PHACTR2: variants seen among roughly 807,000 people sequenced by gnomAD.
PHACTR2 encodes chromosome 6 open reading frame 56.
A neutral mutation model predicts 76.0 loss-of-function variants in PHACTR2; 30 were observed. The observed-to-expected ratio is 0.39, with a 90% CI of 0.30 to 0.54. The LOEUF (loss-of-function observed/expected upper bound fraction) is 0.54. Ranked by LOEUF, PHACTR2 falls within the 20% of genes least tolerant of loss-of-function variation. The pLI, the probability that PHACTR2 is intolerant of heterozygous loss-of-function variation, is 0.61. For synonymous variants in PHACTR2, 292 were observed against 292.5 expected (o/e 1.00, Z 0.02); for missense variants, 696 against 781.1 (o/e 0.89, Z 1.30).
chr6:143,622,407 T>C (rs923999029), intron 1 of PHACTR2, among the ~76,000 whole-genome samples: 2 of 152,190 alleles, frequency 1.3e-5, no homozygotes, highest in Non-Finnish European at 2.9e-5. Context: ...CTCGCGTACA[T>C]CTGGTCTCCC....
Position 143,794,533 on chromosome 6 carries a change from C to T in PHACTR2, c.1845+5623C>T, listed in dbSNP as rs1407084904. Among the ~76,000 whole-genome samples, 4 of 152,142 alleles carry T rather than the reference C, an allele frequency of 2.6e-5. No individual in the cohort carries two copies. Among genetic ancestry groups the T allele is most frequent in the Admixed American group, 6.5e-5 (1 of 15,268 alleles). ...ATGAGGCCAGGTGCAGTGGCTCATG[C>T]CTGTAATCCAAGTGCTTTGAGAGGG... On this transcript the variant is annotated intron_variant, in intron 11 of 12. Coordinates refer to ENST00000440869, the MANE Select transcript of PHACTR2 (RefSeq NM_001100164.2). The surrounding 1 kb of genome is among the most constrained non-coding windows in gnomAD (Gnocchi z 4.1).
intron 2 of PHACTR2, among the ~76,000 whole-genome samples, chr6:143,744,370 A>G (rs113400573): frequency 1.3e-5 from 2 of 152,202 alleles, no homozygotes; most frequent in South Asian, 2.1e-4. Context: ...TTCAAAGCCA[A>G]CAGCCTGCAA....
At chr6:143,584,908 A>C (rs1259640686) in intron 1 of PHACTR2, among the ~76,000 whole-genome samples, 5 of 150,082 alleles carry the variant, frequency 3.3e-5, no homozygotes, top group Non-Finnish European at 7.4e-5. Flanking sequence ...GAAGCAGGGG[A>C]GGGAGAGAAG....
rs1776216922 is a variant in PHACTR2, at chr6:143,624,378, A to C, written c.13+16056A>C. 1.3e-5 allele frequency among the ~76,000 whole-genome samples: 2 copies of C among 152,160 alleles called. No individual in the cohort carries two copies. The highest frequency in any genetic ancestry group is 2.9e-5 in the Non-Finnish European group (2 of 68,024). On this transcript the variant is annotated intron_variant, in intron 1 of 11. Coordinates refer to the PHACTR2 transcript ENST00000305766. The surrounding 1 kb of genome is among the most constrained non-coding windows in gnomAD (Gnocchi z 4.6). ...CACCTTGGCCTCCTAAAGTGCTAGG[A>C]TTACAGGCGTGAGCCACCGTGCCTG... is the stretch of plus-strand genomic sequence containing the variant.
chr6:143,540,831 C>G (rs1285030891), intron 1 of PHACTR2, among the ~76,000 whole-genome samples: 4 of 152,170 alleles, frequency 2.6e-5, no homozygotes, highest in East Asian at 3.8e-4. Flanking sequence ...TGAATAAACT[C>G]TTTTATTATG....
rs1169317260 is a variant in PHACTR2 at position 143,807,289 on chromosome 6, A to G, written c.1922+156A>G. On this transcript the variant is annotated intron_variant, in intron 12 of 12. Transcript: ENST00000440869. The surrounding 1 kb of genome is among the most constrained non-coding windows in gnomAD (Gnocchi z 5.5). ...TTTTTAAACAGTTTAGCTTAAAACCATCTTATGAACATTTCCGCTTCTCTC... is the reference window on the plus strand; with the variant it reads ...TTTTTAAACAGTTTAGCTTAAAACCGTCTTATGAACATTTCCGCTTCTCTC... Among the ~76,000 whole-genome samples the G allele has an allele frequency of 1.3e-5, 2 of 152,250 alleles. No homozygotes were observed. The highest frequency in any genetic ancestry group is 2.9e-5 in the Non-Finnish European group (2 of 68,036).
chr6:143,765,638 A>C lies in PHACTR2; in HGVS notation c.1072A>C (p.Ile358Leu), dbSNP rs775857529. The C allele has an allele frequency of 3.7e-6, 6 of 1,614,054 alleles. No homozygotes were observed. Among genetic ancestry groups the C allele is most frequent in the Non-Finnish European group, 3.4e-6 (4 of 1,180,006 alleles). Residue 358 changes from isoleucine to leucine, a missense_variant, in exon 6 of 13, where the codon ATT becomes CTT. This residue lies in a region of PHACTR2 where 460 missense variants were observed against 450.9 expected (regional missense o/e 1.02). Coordinates refer to ENST00000440869, the MANE Select transcript of PHACTR2 (RefSeq NM_001100164.2). This position sits in a 1 kb window ranked among gnomAD's most constrained non-coding sequence, Gnocchi z 4.1. ...APPLPLEDQC[I>L]TASDTPVVLV... is the part of the protein sequence containing the mutation. ...CCCTCTCCCTCTTGAGGATCAGTGC[A>C]TTACTGCCTCAGACACTCCAGTTGT...
At chr6:143,766,109 A>C (rs1332451003) in intron 6 of PHACTR2, among the ~76,000 whole-genome samples, 8 of 152,182 alleles carry the variant, frequency 5.3e-5, no homozygotes, top group Non-Finnish European at 1.0e-4. Context: ...TGCTTATTTT[A>C]AATCTTTACT....
rs1245975091 is a variant in PHACTR2, at chr6:143,781,602, G to A, written c.1646-1617G>A. ...TATCAACAATGTTATTTTCACTATC[G>A]TGTCACCTTGTAAAGCTCTGGTTTA... On this transcript the variant is annotated intron_variant, in intron 9 of 12. Transcript: ENST00000440869. Among the ~76,000 whole-genome samples, 9 of 152,002 alleles carry A rather than the reference G, an allele frequency of 5.9e-5. No individual in the cohort carries two copies. The South Asian group carries it at 8.3e-4, about 14-fold the overall frequency.
intron 1 of PHACTR2, among the ~76,000 whole-genome samples, chr6:143,701,589 C>A (rs1777914219): frequency 6.6e-6 from 1 of 152,130 alleles, no homozygotes; most frequent in African/African-American, 2.4e-5. Context: ...TCCACTCCCA[C>A]CCACTACCCT....
Position 143,617,278 on chromosome 6 carries a change from C to G in PHACTR2, c.13+8956C>G, listed in dbSNP as rs746169624. On this transcript the variant is annotated intron_variant, in intron 1 of 11. Transcript: ENST00000305766. The surrounding 1 kb of genome is among the most constrained non-coding windows in gnomAD (Gnocchi z 4.8). ...CATGACGCTGATGGAATTCAACACC[C>G]AGTTTTGTACTTACTGGAAGTTCAT... Among the ~76,000 whole-genome samples the G allele has an allele frequency of 6.6e-6, 1 of 152,186 alleles. No homozygotes were observed. Among genetic ancestry groups the G allele is most frequent in the Non-Finnish European group, 1.5e-5 (1 of 68,036 alleles).
At position 143,753,762 on chromosome 6, in the gene PHACTR2, G is replaced by C; in HGVS notation, c.304G>C (p.Val102Leu). 6.3e-7 allele frequency: 1 copy of C among 1,594,818 alleles called. No individual in the cohort carries two copies. The highest frequency in any genetic ancestry group is 8.5e-7 in the Non-Finnish European group (1 of 1,174,472). The change falls in exon 4 of 13, where the codon GTA becomes CTA. Residue 102 changes from valine (V) to leucine (L), a missense_variant. Physicochemically the swap from Val to Leu is conservative, Grantham distance 32. Transcript: ENST00000440869. The surrounding 1 kb of genome is among the most constrained non-coding windows in gnomAD (Gnocchi z 4.6). ...LKELPDQDGD[V>L]TVNFENSNGH... ...TTTCTTTCCCATTTTAGATGGAGAT[G>C]TAACAGTTAACTTTGAAAATTCAAA... is the stretch of plus-strand genomic sequence containing the variant.
At chr6:143,661,449 G>A (rs1325318735) in intron 1 of PHACTR2, among the ~76,000 whole-genome samples, 2 of 151,336 alleles carry the variant, frequency 1.3e-5, no homozygotes, top group Non-Finnish European at 2.9e-5. Flanking sequence ...ATCCTATATA[G>A]TAAATAAATA....
chr6:143,739,284 C>T lies in PHACTR2; in HGVS notation c.215-9701C>T, dbSNP rs1366102602. Among the ~76,000 whole-genome samples, 1 of 152,098 alleles carries T rather than the reference C, an allele frequency of 6.6e-6. No homozygotes were observed. The highest frequency in any genetic ancestry group is 2.4e-5 in the African/African-American group (1 of 41,406). On this transcript the variant is annotated intron_variant, in intron 2 of 12. Coordinates refer to ENST00000440869, the MANE Select transcript of PHACTR2 (RefSeq NM_001100164.2). This position sits in a 1 kb window ranked among gnomAD's most constrained non-coding sequence, Gnocchi z 4.3. ...TTCACCATGTTAGCCAGGATGGTCT[C>T]GATCTGCTGACCTCATGATCCACCA...
rs1042738771 is a variant in PHACTR2, at chr6:143,730,559, A to G, written c.214+18376A>G. ...GATTTTCTACATGGACAATTATGTCATCTGTGAATGGGAATCATTTTATTT... is the reference window on the plus strand; with the variant it reads ...GATTTTCTACATGGACAATTATGTCGTCTGTGAATGGGAATCATTTTATTT... On this transcript the variant is annotated intron_variant, in intron 2 of 12. Coordinates refer to ENST00000440869, the MANE Select transcript of PHACTR2 (RefSeq NM_001100164.2). This position sits in a 1 kb window ranked among gnomAD's most constrained non-coding sequence, Gnocchi z 4.8. Among the ~76,000 whole-genome samples, 5 of 152,206 alleles carry G rather than the reference A, an allele frequency of 3.3e-5. No individual in the cohort carries two copies. Among genetic ancestry groups the G allele is most frequent in the African/African-American group, 9.7e-5 (4 of 41,448 alleles).
rs1779275878 is a variant in PHACTR2, at chr6:143,755,380, G to C, written c.454+1468G>C. On this transcript the variant is annotated intron_variant, in intron 4 of 12. Coordinates refer to ENST00000440869, the MANE Select transcript of PHACTR2 (RefSeq NM_001100164.2). This position sits in a 1 kb window ranked among gnomAD's most constrained non-coding sequence, Gnocchi z 5.2. ...ATCCAAGAATCGCATCCTGCATTAC[G>C]TAACAGTGCCATCTCTGGTGCCTGG... 2.2e-6 allele frequency: 1 copy of C among 455,994 alleles called. No homozygotes were observed. The highest frequency in any genetic ancestry group is 4.4e-6 in the Non-Finnish European group (1 of 226,784). The allele number at this position is 455,994 out of a possible 1,614,324, so 28.2% of individuals were successfully genotyped here.
rs145169603 is a variant in PHACTR2, at chr6:143,628,008, A to G, written c.13+19686A>G. ...GCTTTCTATCTCTATTGATTTACCTATTTGGGATATTTCTTATAAATGGAA... is the reference window on the plus strand; with the variant it reads ...GCTTTCTATCTCTATTGATTTACCTGTTTGGGATATTTCTTATAAATGGAA... On this transcript the variant is annotated intron_variant, in intron 1 of 11. Coordinates refer to the PHACTR2 transcript ENST00000305766. 2.9e-3 allele frequency among the ~76,000 whole-genome samples: 439 copies of G among 152,068 alleles called. 2 individuals carry two copies. Among genetic ancestry groups the G allele is most frequent in the African/African-American group, 8.5e-3 (351 of 41,460 alleles).
chr6:143,755,237 A>T lies in PHACTR2; in HGVS notation c.454+1325A>T. Reference sequence around the variant, plus strand: ...GTAGACTTAAATAAATTTTAGTGGGATTCAGTTGAAAGTATTAACGCAAGT... The same window carrying T: ...GTAGACTTAAATAAATTTTAGTGGGTTTCAGTTGAAAGTATTAACGCAAGT... On this transcript the variant is annotated intron_variant, in intron 4 of 12. Coordinates refer to ENST00000440869, the MANE Select transcript of PHACTR2 (RefSeq NM_001100164.2). This position sits in a 1 kb window ranked among gnomAD's most constrained non-coding sequence, Gnocchi z 5.2. 1 of 454,656 alleles carries T rather than the reference A, an allele frequency of 2.2e-6. No individual in the cohort carries two copies. The highest frequency in any genetic ancestry group is 3.3e-4 in the Middle Eastern group (1 of 3,068). 28.2% of individuals were successfully genotyped at this position (454,656 alleles called of 1,614,324 possible).
At chr6:143,771,158 G>A (rs9403529) in intron 6 of PHACTR2, among the ~76,000 whole-genome samples, 1,954 of 14,324 alleles carry the variant, frequency 0.14, 108 homozygotes, top group African/African-American at 0.22. Flanking sequence ...ATATATATAT[G>A]TATATATATA....
Sources: allele counts gnomAD v4.1 joint callset (sites outside exome capture counted in the v4.1 genomes callset), GRCh38; gene constraint gnomAD v4.1.1; regional missense constraint gnomAD v4.1.1; non-coding constraint Gnocchi (gnomAD v3.1); transcripts MANE v1.5; gene names NCBI Gene and HGNC (gene_info 2026-07-23, HGNC 2026-07-21).